Variants in CTNNA2 observed in about 807,000 individuals in gnomAD.
CTNNA2 encodes the protein catenin alpha-2.
A neutral mutation model predicts 101.0 loss-of-function variants in CTNNA2; 42 were observed. The ratio of observed to expected loss-of-function variants is 0.42; its 90% CI spans 0.32 to 0.54. CTNNA2 has a LOEUF of 0.54. Among genes scored for constraint, CTNNA2 ranks in the 20% least tolerant of loss-of-function variants. CTNNA2 has a pLI of 0.14. For missense variants in CTNNA2, 871 were observed against 1,223.1 expected, an observed-to-expected ratio of 0.71 and a Z score of 4.29; for synonymous variants, 450 against 456.4, an observed-to-expected ratio of 0.99 and a Z score of 0.18.
At chr2:80,223,769 T>A (rs935571477) in intron 7 of CTNNA2, among the ~76,000 whole-genome samples, 6 of 152,144 alleles carry the variant, frequency 3.9e-5, no homozygotes, top group Non-Finnish European at 7.4e-5. Context: ...GTTTGGAAAA[T>A]TTGATCCCAT....
At chr2:80,318,421 A>G (rs76180126) in intron 7 of CTNNA2, among the ~76,000 whole-genome samples, 1 of 152,176 alleles carries the variant, frequency 6.6e-6, no homozygotes, top group East Asian at 1.9e-4. Context: ...TAGTGAAGAT[A>G]GAGTTGGGAT....
chr2:79,262,317 T>C (rs1339398487), intron 2 of CTNNA2, among the ~76,000 whole-genome samples: 1 of 152,108 alleles, frequency 6.6e-6, no homozygotes, highest in Non-Finnish European at 1.5e-5. Context: ...GTCAGTGAAA[T>C]TCTAGACAGC....
At position 80,647,853 on chromosome 2, in the gene CTNNA2, A is replaced by G. The variant is rs1674271926; in HGVS notation, c.2843A>G (p.Lys948Arg). ...ISPVQALSEF[K>R]AMDSF ...CCTGTACAGGCTTTAAGTGAATTCA[A>G]AGCAATGGATTCCTTCTAGGACGAT... is the stretch of plus-strand genomic sequence containing the variant. The change falls in exon 19 of 19, where the codon AAA becomes AGA. Residue 948 changes from lysine to arginine, a missense_variant. Transcript: ENST00000402739. The G allele has an allele frequency of 5.0e-6, 8 of 1,605,664 alleles. No homozygotes were observed. Among genetic ancestry groups the G allele is most frequent in the Non-Finnish European group, 6.8e-6 (8 of 1,174,478 alleles).
chr2:79,404,168 A>G (rs1369904377), intron 4 of CTNNA2, among the ~76,000 whole-genome samples: 1 of 151,908 alleles, frequency 6.6e-6, no homozygotes, highest in Non-Finnish European at 1.5e-5. Context: ...GCAATAGTGT[A>G]CATTGGTAAC....
chr2:79,912,957 T>A (rs1253364307), intron 7 of CTNNA2, among the ~76,000 whole-genome samples: 1 of 152,202 alleles, frequency 6.6e-6, no homozygotes, highest in East Asian at 1.9e-4. Flanking sequence ...GAATGCAAAT[T>A]TAGAATATTT....
chr2:80,040,717 T>C (rs942334050), intron 7 of CTNNA2, among the ~76,000 whole-genome samples: 2 of 152,234 alleles, frequency 1.3e-5, no homozygotes, highest in African/African-American at 4.8e-5. Context: ...CCTCTGTGAA[T>C]GGCTCTGTGC....
chr2:80,165,241 T>C (rs1337440735), intron 7 of CTNNA2, among the ~76,000 whole-genome samples: 3 of 152,016 alleles, frequency 2.0e-5, no homozygotes, highest in African/African-American at 7.2e-5. Flanking sequence ...ATTTTTTTTT[T>C]CAATCTGGTT....
intron 7 of CTNNA2, among the ~76,000 whole-genome samples, chr2:80,372,345 T>C (rs2149334959): frequency 6.6e-6 from 1 of 151,898 alleles, no homozygotes; most frequent in East Asian, 1.9e-4. Context: ...CAAATCCCCA[T>C]GCAAGCTCCA....
chr2:79,301,264 C>A (rs921593882), intron 2 of CTNNA2, among the ~76,000 whole-genome samples: 1 of 152,320 alleles, frequency 6.6e-6, no homozygotes, highest in African/African-American at 2.4e-5. Flanking sequence ...ACTACGAAGG[C>A]AGAGATTCAT....
chr2:80,503,751 T>C lies in CTNNA2; in HGVS notation c.1291-41231T>C, dbSNP rs534184426. ...TCTGGCCAAACAGGTCAGTGTCAGT[T>C]TGGGTCCAGAGCCTGGAAAGAGGAT... On this transcript the variant is annotated intron_variant, in intron 9 of 18. Transcript: ENST00000402739. Among the ~76,000 whole-genome samples, 6 of 152,170 alleles carry C rather than the reference T, an allele frequency of 3.9e-5. 1 individual carries two copies. The East Asian group carries it at 5.8e-4, about 15-fold the overall frequency.
At chr2:80,285,133 A>C (rs1333664094) in intron 7 of CTNNA2, among the ~76,000 whole-genome samples, 1 of 152,128 alleles carries the variant, frequency 6.6e-6, no homozygotes, top group African/African-American at 2.4e-5. Flanking sequence ...ACCTGGCTTC[A>C]TGGAAACTGG....
intron 7 of CTNNA2, among the ~76,000 whole-genome samples, chr2:80,088,108 C>T (rs1699561209): frequency 1.3e-5 from 2 of 152,036 alleles, no homozygotes; most frequent in East Asian, 3.9e-4. Flanking sequence ...TCAGAAAGTG[C>T]CCCTAAGTTC....
chr2:79,412,079 G>A (rs1009362443), intron 4 of CTNNA2, among the ~76,000 whole-genome samples: 48 of 151,956 alleles, frequency 3.2e-4, no homozygotes, highest in Non-Finnish European at 5.9e-4. Context: ...AACAAAAAAA[G>A]GCAGGGGTTG....
intron 3 of CTNNA2, among the ~76,000 whole-genome samples, chr2:79,845,376 A>G (rs1680155950): frequency 1.3e-5 from 2 of 152,022 alleles, no homozygotes; most frequent in South Asian, 2.1e-4. Flanking sequence ...TGCTTATTGA[A>G]TAAATAAAAG....
chr2:80,167,758 AT>A (rs922091528), intron 7 of CTNNA2, among the ~76,000 whole-genome samples: 7 of 152,012 alleles, frequency 4.6e-5, no homozygotes, highest in African/African-American at 1.4e-4. Flanking sequence ...TAATGCACGG[AT>A]TTTTTTTCCA....
At chr2:80,535,966 A>G (rs554198407) in intron 9 of CTNNA2, among the ~76,000 whole-genome samples, 55 of 152,278 alleles carry the variant, frequency 3.6e-4, no homozygotes, top group African/African-American at 1.3e-3. Context: ...CATTTAGCCT[A>G]TTCCTATGCC....
intron 7 of CTNNA2, among the ~76,000 whole-genome samples, chr2:80,188,434 G>A (rs1706268824): frequency 6.6e-6 from 1 of 152,148 alleles, no homozygotes; most frequent in Non-Finnish European, 1.5e-5. Context: ...TATTGCTGCT[G>A]TAACAAATTA....
At chr2:79,800,345 C>T (rs535791430) in intron 3 of CTNNA2, among the ~76,000 whole-genome samples, 1 of 152,260 alleles carries the variant, frequency 6.6e-6, no homozygotes, top group African/African-American at 2.4e-5. Context: ...CAAATGTTCT[C>T]CCTTGCATTG....
chr2:80,487,152 A>G (rs990206651), intron 9 of CTNNA2, among the ~76,000 whole-genome samples: 12 of 151,778 alleles, frequency 7.9e-5, no homozygotes, highest in African/African-American at 2.9e-4. Flanking sequence ...GTGGTGGTGC[A>G]CACCTGTAAT....
Sources: gnomAD v4.1 joint callset for allele counts (sites outside exome capture counted in the v4.1 genomes callset) on GRCh38, gnomAD v4.1.1 for gene constraint, MANE v1.5 for transcripts, NCBI Gene and HGNC (gene_info 2026-07-23, HGNC 2026-07-21) for gene names.